SGCD: variants seen among roughly 807,000 people sequenced by gnomAD.
The protein encoded by SGCD is delta-sarcoglycan.
In SGCD, 18 loss-of-function variants were observed where a neutral mutation model predicts 36.6. The observed-to-expected ratio is 0.49, with a 90% CI of 0.34 to 0.73. The LOEUF is 0.73. SGCD is among the 30% of genes least tolerant of loss of function. SGCD has a pLI of 0.01. For synonymous variants in SGCD, 133 were observed against 130.6 expected, an observed-to-expected ratio of 1.02 and a Z score of -0.12; for missense variants, 387 against 346.7, an observed-to-expected ratio of 1.12 and a Z score of -0.92.
chr5:155,820,316 G>C, the SGCD span, among the ~76,000 whole-genome samples: 2 of 152,146 alleles, frequency 1.3e-5, no homozygotes, highest in African/African-American at 4.8e-5. Context: ...GAATTGGAAA[G>C]AAAGGTCTTG....
At chr5:156,597,478 A>G (rs919146165) in intron 6 of SGCD, among the ~76,000 whole-genome samples, 13 of 152,232 alleles carry the variant, frequency 8.5e-5, no homozygotes, top group African/African-American at 2.9e-4. Context: ...CCTTTATGCA[A>G]CCATCAGATC....
chr5:156,447,491 G>A (rs1224230377), intron 3 of SGCD, among the ~76,000 whole-genome samples: 2 of 152,000 alleles, frequency 1.3e-5, no homozygotes, highest in African/African-American at 4.8e-5. Context: ...TATAATCTTG[G>A]TGTGCCTCAT....
intron 1 of SGCD, among the ~76,000 whole-genome samples, chr5:155,999,365 A>C (rs1218663699): frequency 6.6e-6 from 1 of 152,218 alleles, no homozygotes; most frequent in Non-Finnish European, 1.5e-5. Context: ...CCATCTTGGT[A>C]TGCCCTGCCC....
intron 1 of SGCD, among the ~76,000 whole-genome samples, chr5:155,942,222 AAG>A (rs1455825912): frequency 6.6e-6 from 1 of 152,198 alleles, no homozygotes; most frequent in Non-Finnish European, 1.5e-5. Flanking sequence ...CAATACTTGA[AAG>A]AGGGGTATGG....
the SGCD span, among the ~76,000 whole-genome samples, chr5:155,825,358 T>C: frequency 6.6e-6 from 1 of 152,196 alleles, no homozygotes. Context: ...GTTCTAGACA[T>C]AAAAATAGAG....
At chr5:156,656,799 A>T (rs983342825) in intron 7 of SGCD, among the ~76,000 whole-genome samples, 1 of 152,184 alleles carries the variant, frequency 6.6e-6, no homozygotes, top group Non-Finnish European at 1.5e-5. Flanking sequence ...ATTTTTCCCC[A>T]TAATGCTACC....
intron 3 of SGCD, among the ~76,000 whole-genome samples, chr5:156,479,311 G>GTC (rs1295197130): frequency 6.6e-6 from 1 of 151,944 alleles, no homozygotes; most frequent in East Asian, 1.9e-4. Context: ...GGCCAGGCTG[G>GTC]TCTTGAACTC....
chr5:156,027,792 A>G (rs1267126804), intron 1 of SGCD, among the ~76,000 whole-genome samples: 1 of 152,202 alleles, frequency 6.6e-6, no homozygotes, highest in Non-Finnish European at 1.5e-5. Context: ...TTATTTGATA[A>G]TAAATTTGGC....
the SGCD span, among the ~76,000 whole-genome samples, chr5:155,831,928 A>T: frequency 6.6e-6 from 1 of 152,200 alleles, no homozygotes; most frequent in Admixed American, 6.5e-5. Flanking sequence ...GTATTTACCA[A>T]AGCCATTAAG....
chr5:156,248,656 C>A (rs1418445870), intron 3 of SGCD, among the ~76,000 whole-genome samples: 2 of 152,148 alleles, frequency 1.3e-5, no homozygotes, highest in Non-Finnish European at 2.9e-5. Flanking sequence ...AGATTTAGGA[C>A]TTTATTCGAA....
intron 4 of SGCD, among the ~76,000 whole-genome samples, chr5:156,576,976 A>T (rs530275027): frequency 1.3e-5 from 2 of 151,986 alleles, no homozygotes; most frequent in Non-Finnish European, 2.9e-5. Flanking sequence ...GGTGTTTTAG[A>T]CATGAAGTCC....
At chr5:155,800,918 T>C in the SGCD span, among the ~76,000 whole-genome samples, 30 of 152,350 alleles carry the variant, frequency 2.0e-4, no homozygotes, top group Non-Finnish European at 3.5e-4. Context: ...CTAATTGTGT[T>C]CACCACAGTT....
Position 156,767,039 on chromosome 5 carries a change from T to G in SGCD, c.*7649T>G, listed in dbSNP as rs777646135. 2.0e-5 allele frequency: 3 copies of G among 152,148 alleles called. No individual in the cohort carries two copies. The highest frequency in any genetic ancestry group is 7.2e-5 in the African/African-American group (3 of 41,428). 9.4% of individuals were successfully genotyped at this position (152,148 alleles called of 1,614,324 possible). A position where few individuals can be genotyped will look rare whatever the true frequency, so the allele number is the denominator to read the frequency against. ...GAGCCAAAAATGAAAAAGACTCGAC[T>G]CTACAGTAAGTCAGTCAGGGATTTC... On this transcript the variant is annotated 3_prime_UTR_variant, in exon 9 of 9. Transcript: ENST00000337851.
intron 1 of SGCD, among the ~76,000 whole-genome samples, chr5:156,112,622 G>T (rs1761813959): frequency 6.6e-6 from 1 of 152,150 alleles, no homozygotes; most frequent in Non-Finnish European, 1.5e-5. Context: ...ATCATATGTA[G>T]TCTGTCTCCA....
chr5:156,208,897 C>T (rs1764362093), intron 3 of SGCD, among the ~76,000 whole-genome samples: 1 of 152,094 alleles, frequency 6.6e-6, no homozygotes, highest in South Asian at 2.1e-4. Context: ...ATAGCACCTA[C>T]ATGTAGCACA....
chr5:155,926,472 C>G (rs949617497), intron 1 of SGCD, among the ~76,000 whole-genome samples: 3 of 152,120 alleles, frequency 2.0e-5, no homozygotes. Flanking sequence ...AGAAGAGAGA[C>G]ATACATCTTC....
At chr5:156,138,976 T>G (rs1762517712) in intron 3 of SGCD, among the ~76,000 whole-genome samples, 1 of 152,230 alleles carries the variant, frequency 6.6e-6, no homozygotes, top group South Asian at 2.1e-4. Flanking sequence ...CATTTGTATA[T>G]CTGTTGTGAA....
intron 1 of SGCD, among the ~76,000 whole-genome samples, chr5:155,970,056 A>T (rs1487915476): frequency 6.6e-6 from 1 of 152,052 alleles, no homozygotes; most frequent in Non-Finnish European, 1.5e-5. Flanking sequence ...AGTTAGGTTG[A>T]TGATACCATA....
At chr5:155,960,791 T>A (rs1757776888) in intron 1 of SGCD, among the ~76,000 whole-genome samples, 1 of 152,074 alleles carries the variant, frequency 6.6e-6, no homozygotes, top group African/African-American at 2.4e-5. Flanking sequence ...TTATGGAAAA[T>A]CCACAATGTT....
Sources: gnomAD v4.1 joint callset for allele counts (sites outside exome capture counted in the v4.1 genomes callset) on GRCh38, gnomAD v4.1.1 for gene constraint, MANE v1.5 for transcripts, NCBI Gene and HGNC (gene_info 2026-07-23, HGNC 2026-07-21) for gene names.